Variants in HSPBAP1 observed in about 807,000 individuals in gnomAD.
The protein encoded by HSPBAP1 is HSPB1 associated protein 1.
HSPBAP1 carries 27 observed loss-of-function variants against 45.2 expected under a neutral mutation model. That is an observed-to-expected ratio of 0.60 (90% CI 0.44 to 0.82). HSPBAP1 has a LOEUF of 0.82. Ranked by LOEUF, HSPBAP1 falls within the 40% of genes least tolerant of loss-of-function variation. The pLI is 0.00. For synonymous variants in HSPBAP1, 204 were observed against 202.7 expected, an observed-to-expected ratio of 1.01 and a Z score of -0.06; for missense variants, 510 against 590.9, an observed-to-expected ratio of 0.86 and a Z score of 1.42.
chr3:122,781,382 G>A (rs1027487682), intron 1 of HSPBAP1, among the ~76,000 whole-genome samples: 4 of 152,300 alleles, frequency 2.6e-5, no homozygotes, highest in Admixed American at 6.5e-5. Context: ...GCGAAACCCC[G>A]TCTCCACCAA....
At chr3:122,760,527 G>T (rs972812243) in intron 3 of HSPBAP1, among the ~76,000 whole-genome samples, 1 of 135,932 alleles carries the variant, frequency 7.4e-6, no homozygotes, top group African/African-American at 2.7e-5. Flanking sequence ...TGGTTTTGAG[G>T]AAGACTAGAA....
intron 2 of HSPBAP1, 127 bp downstream of exon 2, chr3:122,777,594 G>A: frequency 3.3e-6 from 2 of 607,784 alleles, no homozygotes; most frequent in Non-Finnish European, 5.5e-6. Flanking sequence ...AAATGTTCCT[G>A]TATGTGCAGT....
At chr3:122,757,892 G>C (rs1219697964) in intron 4 of HSPBAP1, among the ~76,000 whole-genome samples, 1 of 152,174 alleles carries the variant, frequency 6.6e-6, no homozygotes, top group Non-Finnish European at 1.5e-5. Context: ...CCAAGTTTAA[G>C]GTTTCAGCCT....
chr3:122,746,011 G>A (rs574651893), intron 6 of HSPBAP1, among the ~76,000 whole-genome samples: 2 of 152,328 alleles, frequency 1.3e-5, no homozygotes, highest in East Asian at 3.9e-4. Context: ...ACAGAAAAGT[G>A]TTGACTGATT....
intron 1 of HSPBAP1, among the ~76,000 whole-genome samples, chr3:122,791,321 A>G (rs1935822869): frequency 6.6e-6 from 1 of 152,212 alleles, no homozygotes; most frequent in Non-Finnish European, 1.5e-5. Flanking sequence ...AACCTTCAGG[A>G]TACCTCTTTT....
chr3:122,776,102 C>A (rs1157801631), intron 2 of HSPBAP1, among the ~76,000 whole-genome samples: 2 of 152,010 alleles, frequency 1.3e-5, no homozygotes, highest in Non-Finnish European at 2.9e-5. Context: ...GTTGCCAGGG[C>A]CTGGGGTAAG....
chr3:122,764,184 A>C (rs1386586260), intron 3 of HSPBAP1, among the ~76,000 whole-genome samples: 2 of 152,218 alleles, frequency 1.3e-5, no homozygotes, highest in Non-Finnish European at 2.9e-5. Flanking sequence ...ATAATTTTTT[A>C]TTCCTGCAAA....
At position 122,747,471 on chromosome 3, in the gene HSPBAP1, G is replaced by A. The variant is rs1236654108; in HGVS notation, c.825+5120C>T. Among the ~76,000 whole-genome samples the A allele has an allele frequency of 7.3e-5, 11 of 151,506 alleles. No individual in the cohort carries two copies. In the East Asian group the frequency reaches 7.9e-4, roughly 11 times the overall value. ...GCGTCTCCGCCCGGCCAGCCGCCCT[G>A]TCTGGGAGGGAGGTCGGGGGGGTCA... On this transcript the variant is annotated intron_variant, in intron 6 of 7. Coordinates refer to ENST00000306103, the MANE Select transcript of HSPBAP1 (RefSeq NM_024610.6).
chr3:122,778,055 A>G lies in HSPBAP1; in HGVS notation c.65-149T>C, dbSNP rs190429273. On this transcript the variant is annotated intron_variant, in intron 1 of 7. Coordinates refer to ENST00000306103, the MANE Select transcript of HSPBAP1 (RefSeq NM_024610.6). Reference sequence around the variant, plus strand: ...ATACGTCATTTACTGCTGTTTATATACACATGTGGCCTCAAAAGACCTGAT... The same window carrying G: ...ATACGTCATTTACTGCTGTTTATATGCACATGTGGCCTCAAAAGACCTGAT... The G allele has an allele frequency of 4.2e-5, 26 of 624,660 alleles. No individual in the cohort carries two copies. The African/African-American group carries it at 4.4e-4, about 11-fold the overall frequency. 38.7% of individuals were successfully genotyped at this position (624,660 alleles called of 1,614,324 possible).
intron 1 of HSPBAP1, among the ~76,000 whole-genome samples, chr3:122,786,010 T>C (rs1283422455): frequency 5.3e-5 from 8 of 152,060 alleles, no homozygotes; most frequent in Non-Finnish European, 1.2e-4. Flanking sequence ...ATTAGCCCTC[T>C]TGAGAGACAA....
Position 122,740,640 on chromosome 3 carries a change from T to C in HSPBAP1, c.1172A>G (p.Asp391Gly). 6.2e-7 allele frequency: 1 copy of C among 1,614,142 alleles called. No individual in the cohort carries two copies. Among genetic ancestry groups the C allele is most frequent in the South Asian group, 1.1e-5 (1 of 91,090 alleles). ...GGACCTCTGTGCTACAGGGACCAGA[T>C]CAGGGCCAAAGGGACTTGCTGCCTC... ...KPEAASPFGP[D>G]LVPVAQRSEE... is the part of the protein sequence containing the mutation. The change falls in exon 8 of 8, where the codon GAT (aspartate) becomes GGT (glycine). Residue 391 changes from aspartate (D) to glycine (G), a missense_variant. Transcript: ENST00000306103.
intron 4 of HSPBAP1, among the ~76,000 whole-genome samples, chr3:122,758,373 C>A (rs757828868): frequency 2.3e-4 from 35 of 152,244 alleles, no homozygotes; most frequent in Middle Eastern, 3.4e-3. Context: ...TAGATGGAGA[C>A]AAAAACTGAC....
intron 1 of HSPBAP1, among the ~76,000 whole-genome samples, chr3:122,778,669 A>G (rs1935282573): frequency 1.3e-5 from 2 of 151,940 alleles, no homozygotes; most frequent in Non-Finnish European, 2.9e-5. Context: ...AGCAGGGACT[A>G]CAGGCGCCCG....
intron 5 of HSPBAP1, chr3:122,753,132 G>T: frequency 2.6e-6 from 1 of 382,902 alleles, no homozygotes; most frequent in Non-Finnish European, 3.6e-6. Flanking sequence ...AGGGGACAAT[G>T]GTGTTTCAGA....
chr3:122,776,766 T>C (rs1256246204), intron 2 of HSPBAP1, among the ~76,000 whole-genome samples: 1 of 152,306 alleles, frequency 6.6e-6, no homozygotes, highest in East Asian at 1.9e-4. Context: ...ATATTCAACA[T>C]GCTACACCTG....
At chr3:122,780,124 G>A (rs1207046188) in intron 1 of HSPBAP1, among the ~76,000 whole-genome samples, 2 of 137,980 alleles carry the variant, frequency 1.4e-5, no homozygotes, top group East Asian at 2.6e-4. Context: ...GGGGCGGCTG[G>A]CCGGGCGGGG....
rs1420993543 is a variant in HSPBAP1, at chr3:122,742,399, A to G, written c.826-1286T>C. Among the ~76,000 whole-genome samples the G allele has an allele frequency of 3.3e-5, 5 of 152,204 alleles. No homozygotes were observed. The East Asian group carries it at 5.8e-4, about 18-fold the overall frequency. The stretch of plus-strand genomic sequence containing the variant: ...CACACCAGGATAGTGCTAATAAAAA[A>G]AAGACAGATATTAACAAGTGTTGGT... On this transcript the variant is annotated intron_variant, in intron 6 of 7. Transcript: ENST00000306103.
At chr3:122,753,079 G>A (rs1386779402) in intron 5 of HSPBAP1, 1 of 684,048 alleles carries the variant, frequency 1.5e-6, no homozygotes, top group Non-Finnish European at 1.8e-6. Flanking sequence ...TAGCCAATGA[G>A]AAGATAAAGT....
intron 2 of HSPBAP1, among the ~76,000 whole-genome samples, chr3:122,771,349 T>A (rs1212374170): frequency 6.6e-6 from 1 of 152,250 alleles, no homozygotes; most frequent in Non-Finnish European, 1.5e-5. Flanking sequence ...AATTTTACCA[T>A]GATTCTTTCA....
Sources: allele counts gnomAD v4.1 joint callset (sites outside exome capture counted in the v4.1 genomes callset), GRCh38; gene constraint gnomAD v4.1.1; transcripts MANE v1.5; gene names NCBI Gene and HGNC (gene_info 2026-07-23, HGNC 2026-07-21).